CHD2: variants seen among roughly 807,000 people sequenced by gnomAD.
CHD2 encodes chromodomain helicase DNA binding protein 2, also known as ATP-dependent chromatin remodeler CHD2.
In CHD2, 28 loss-of-function variants were observed where a neutral mutation model predicts 243.9. That is an observed-to-expected ratio of 0.11 (90% CI 0.09 to 0.16). The LOEUF is 0.16. Ranked by LOEUF, CHD2 falls within the 10% of genes least tolerant of loss-of-function variation. The probability of loss-of-function intolerance (pLI) is 1.00; values close to 1 mark genes in which losing one functional copy is unlikely to be tolerated. For missense variants in CHD2, 1,386 were observed against 2,209.8 expected (o/e 0.63, Z 7.47); for synonymous variants, 775 against 779.0 (o/e 0.99, Z 0.09).
At chr15:92,978,459 A>G in intron 21 of CHD2, 76 bp downstream of exon 21, 1 of 1,454,450 alleles carries the variant, frequency 6.9e-7, no homozygotes, top group Non-Finnish European at 9.4e-7. Context: ...TCAGGATGTT[A>G]ATAAAATGCT....
chr15:92,959,755 G>A (rs2053661480), intron 16 of CHD2, among the ~76,000 whole-genome samples: 4 of 152,226 alleles, frequency 2.6e-5, no homozygotes, highest in Admixed American at 2.6e-4. Flanking sequence ...GCCTCCCAAA[G>A]TACTGGTATT....
chr15:93,003,121 A>C (rs2054277658), intron 33 of CHD2, among the ~76,000 whole-genome samples: 1 of 152,124 alleles, frequency 6.6e-6, no homozygotes, highest in African/African-American at 2.4e-5. Context: ...CTACAAAATA[A>C]AAACAAGCAA....
chr15:92,932,916 T>C (rs2053199094), intron 5 of CHD2, among the ~76,000 whole-genome samples: 1 of 152,112 alleles, frequency 6.6e-6, no homozygotes, highest in Non-Finnish European at 1.5e-5. Context: ...CTGATTTTTG[T>C]ATTTTTAATA....
At chr15:93,006,465 G>A (rs1318984758) in intron 34 of CHD2, among the ~76,000 whole-genome samples, 1 of 152,072 alleles carries the variant, frequency 6.6e-6, no homozygotes, top group African/African-American at 2.4e-5. Context: ...CCATGATTCT[G>A]AATTCGATGT....
rs146319346 is a variant in CHD2 at position 92,943,082 on chromosome 15, C to G, written c.1052+14C>G. The G allele has an allele frequency of 4.2e-5, 66 of 1,585,880 alleles. No individual in the cohort carries two copies. The highest frequency in any genetic ancestry group is 5.4e-5 in the Non-Finnish European group (62 of 1,155,842). ...AATCAAACAATGGTATATTTTCCAT[C>G]ATGGATTAAAGAAATGTATTTGCAG... is the stretch of plus-strand genomic sequence containing the variant. On this transcript the variant is annotated intron_variant, in intron 9 of 38. Transcript: ENST00000394196.
intron 31 of CHD2, among the ~76,000 whole-genome samples, chr15:93,000,045 A>AG (rs2054233901): frequency 6.6e-6 from 1 of 152,094 alleles, no homozygotes; most frequent in Admixed American, 6.5e-5. Context: ...GATCACCTGA[A>AG]GTCAGGAGTT....
intron 19 of CHD2, chr15:92,973,883 T>A (rs556434551): frequency 6.6e-6 from 1 of 152,336 alleles, no homozygotes; most frequent in African/African-American, 2.4e-5. Context: ...GAATCTCCCA[T>A]TGAATACGTC....
intron 26 of CHD2, among the ~76,000 whole-genome samples, chr15:92,987,025 C>A (rs182911094): frequency 6.6e-6 from 1 of 152,122 alleles, no homozygotes; most frequent in Non-Finnish European, 1.5e-5. Flanking sequence ...CCTGAGCCAC[C>A]GTGCGCAGCC....
At chr15:92,976,187 A>G (rs1184727215) in intron 20 of CHD2, among the ~76,000 whole-genome samples, 4 of 152,018 alleles carry the variant, frequency 2.6e-5, no homozygotes, top group South Asian at 4.1e-4. Context: ...GCCCTGTCTC[A>G]GGGGAAAAAA....
chr15:93,007,163 C>G (rs778837059), intron 34 of CHD2, among the ~76,000 whole-genome samples: 4 of 152,210 alleles, frequency 2.6e-5, no homozygotes, highest in Non-Finnish European at 5.9e-5. Flanking sequence ...TGAATTATAG[C>G]AATGAATTCA....
chr15:93,006,814 G>A (rs1176802645), intron 34 of CHD2, among the ~76,000 whole-genome samples: 1 of 152,178 alleles, frequency 6.6e-6, no homozygotes, highest in African/African-American at 2.4e-5. Context: ...TGGCACTTGT[G>A]TATCCTGTAA....
At chr15:92,999,551 A>G (rs1219137769) in intron 31 of CHD2, among the ~76,000 whole-genome samples, 1 of 152,204 alleles carries the variant, frequency 6.6e-6, no homozygotes, top group Non-Finnish European at 1.5e-5. Context: ...CCATGTGTGC[A>G]TGTTCTTTAA....
intron 13 of CHD2, among the ~76,000 whole-genome samples, chr15:92,950,055 A>G (rs1458135959): frequency 6.6e-6 from 1 of 152,210 alleles, no homozygotes; most frequent in Non-Finnish European, 1.5e-5. Flanking sequence ...TAGGAGAATA[A>G]TAACATTTCC....
chr15:92,957,418 C>G (rs1446465486), intron 16 of CHD2, among the ~76,000 whole-genome samples: 1 of 152,216 alleles, frequency 6.6e-6, no homozygotes, highest in Non-Finnish European at 1.5e-5. Flanking sequence ...TTGCAGATTG[C>G]CTAACCTAAA....
At chr15:92,974,463 T>C (rs1406712) in intron 19 of CHD2, among the ~76,000 whole-genome samples, 11,885 of 152,296 alleles carry the variant, frequency 0.078, 491 homozygotes, top group Middle Eastern at 0.19. Context: ...GTGATAGTTT[T>C]AGCCACATTA....
intron 28 of CHD2, among the ~76,000 whole-genome samples, chr15:92,994,016 A>G (rs1003447326): frequency 6.6e-6 from 1 of 152,240 alleles, no homozygotes; most frequent in Admixed American, 6.5e-5. Flanking sequence ...TGAAGTTATT[A>G]TCATTCTACT....
intron 19 of CHD2, 46 bp downstream of exon 19, chr15:92,972,463 T>C: frequency 1.3e-6 from 2 of 1,512,154 alleles, no homozygotes; most frequent in Non-Finnish European, 1.8e-6. Context: ...AATCTCTCTC[T>C]CCGCCTCCCC....
intron 2 of CHD2, among the ~76,000 whole-genome samples, chr15:92,918,143 C>T (rs906453870): frequency 2.0e-5 from 3 of 152,064 alleles, no homozygotes; most frequent in Admixed American, 2.0e-4. Context: ...TGGGAAACCG[C>T]GATTAAAAAT....
chr15:92,972,478 C>T, intron 19 of CHD2, 61 bp downstream of exon 19: 2 of 1,419,318 alleles, frequency 1.4e-6, no homozygotes, highest in Non-Finnish European at 1.9e-6. Flanking sequence ...CTCCCCTCCC[C>T]AACCTTCCTA....
Sources: gnomAD v4.1 joint callset for allele counts (sites outside exome capture counted in the v4.1 genomes callset) on GRCh38, gnomAD v4.1.1 for gene constraint, MANE v1.5 for transcripts, NCBI Gene and HGNC (gene_info 2026-07-23, HGNC 2026-07-21) for gene names.